Variants in SLC4A11 observed in about 807,000 individuals in gnomAD.
SLC4A11 encodes bicarbonate transporter related protein 1.
In SLC4A11, 74 loss-of-function variants were observed where a neutral mutation model predicts 95.0. That is an observed-to-expected ratio of 0.78 (90% confidence interval 0.65 to 0.95). SLC4A11 has a LOEUF of 0.95. SLC4A11 is among the 40% of genes least tolerant of loss of function. The pLI is 0.00. For missense variants in SLC4A11, 1,081 were observed against 1,192.4 expected (o/e 0.91, Z 1.38); for synonymous variants, 548 against 519.0 (o/e 1.06, Z -0.76).
intron 19 of SLC4A11, 135 bp from the exon 20 acceptor site, chr20:3,227,991 A>ACAGGGCCAGGCTAGGC: frequency 1.7e-5 from 5 of 294,392 alleles, no homozygotes; most frequent in Non-Finnish European, 2.6e-5. Flanking sequence ...CAGCCCACCC[A>ACAGGGCCAGGCTAGGC]CTCTCCACTC....
In SLC4A11 at chr20:3,228,550, G is replaced by C; in HGVS notation, c.2350C>G (p.Gln784Glu). Residue 784 changes from glutamine to glutamate, a missense_variant, in exon 18 of 20, where the codon CAG becomes GAG. By Grantham distance (29) the Gln-to-Glu change is conservative (BLOSUM62 2). Coordinates refer to ENST00000642402, the MANE Select transcript of SLC4A11 (RefSeq NM_001174089.2). ...AGCAGGGCCACGCGCTGGACGAGCT[G>C]GTTGCCATCGAGGGAGGTGAGCGCG... ...YIALTSLDGN[Q>E]LVQRVALLLK... The C allele has an allele frequency of 6.2e-7, 1 of 1,613,206 alleles. No homozygotes were observed. Among genetic ancestry groups the C allele is most frequent in the Non-Finnish European group, 8.5e-7 (1 of 1,179,950 alleles).
Position 3,230,906 on chromosome 20 carries a change from ACCCACCG to A in SLC4A11, c.1168+20_1168+26del. 18 of 902,882 alleles carry A rather than the reference ACCCACCG, an allele frequency of 2.0e-5. No homozygotes were observed. The highest frequency in any genetic ancestry group is 3.7e-5 in the East Asian group (1 of 26,944). 55.9% of individuals were successfully genotyped at this position (902,882 alleles called of 1,614,324 possible). ...CCAGGGCCCAGCCCAGCATACCCCC[ACCCACCG>A]CCCACCGCCAGCCCCTCACCGATGG... On this transcript the variant is annotated intron_variant, in intron 10 of 19. Coordinates refer to ENST00000642402, the MANE Select transcript of SLC4A11 (RefSeq NM_001174089.2).
chr20:3,233,861 G>T, intron 6 of SLC4A11, 60 bp downstream of exon 6: 2 of 1,589,758 alleles, frequency 1.3e-6, no homozygotes, highest in South Asian at 2.2e-5. Context: ...GGGCACAGGG[G>T]ACATGGGACA....
Position 3,234,421 on chromosome 20 carries a change from G to GCCCCCAT in SLC4A11, c.292-108_292-107insATGGGGG. 6.7e-7 allele frequency: 1 copy of GCCCCCAT among 1,503,450 alleles called. No individual in the cohort carries two copies. The highest frequency in any genetic ancestry group is 9.2e-7 in the Non-Finnish European group (1 of 1,086,728). 93.1% of individuals were successfully genotyped at this position (1,503,450 alleles called of 1,614,324 possible). ...GCAGCAGTCCAGCCCCCAGCCCCCA[G>GCCCCCAT]CCCCCAGCCCTGGGCTGGTGCGAGC... is the stretch of plus-strand genomic sequence containing the variant. On this transcript the variant is annotated intron_variant, in intron 4 of 19. Transcript: ENST00000642402. This position sits in a 1 kb window ranked among gnomAD's most constrained non-coding sequence, Gnocchi z 5.8.
chr20:3,235,307 T>TCA (rs1425800280), intron 2 of SLC4A11, among the ~76,000 whole-genome samples: 7 of 110,980 alleles, frequency 6.3e-5, no homozygotes, highest in Non-Finnish European at 9.1e-5. Flanking sequence ...TCTCTCTCTC[T>TCA]CTCACACACA....
Position 3,228,708 on chromosome 20 carries a change from C to T in SLC4A11, c.2193-1G>A. 6.2e-7 allele frequency: 1 copy of T among 1,612,746 alleles called. No homozygotes were observed. The highest frequency in any genetic ancestry group is 8.5e-7 in the Non-Finnish European group (1 of 1,179,818). ...CCGCGTCTCCTTCACGTTCACAATC[C>T]TGCGGTGGCCCGAGCCGCGAGTGTC... is the stretch of plus-strand genomic sequence containing the variant. On this transcript the variant is annotated splice_acceptor_variant, in intron 17 of 19. Transcript: ENST00000642402. LOFTEE classifies it high-confidence loss of function.
At chr20:3,237,096 G>C (rs886265498) in intron 2 of SLC4A11, among the ~76,000 whole-genome samples, 2 of 152,170 alleles carry the variant, frequency 1.3e-5, no homozygotes, top group Admixed American at 1.3e-4. Flanking sequence ...CCAGAGACAT[G>C]AGGAGGAAGA....
chr20:3,233,202 A>G (rs2067838668), intron 7 of SLC4A11, among the ~76,000 whole-genome samples: 1 of 152,206 alleles, frequency 6.6e-6, no homozygotes, highest in Non-Finnish European at 1.5e-5. Context: ...CTCAGCTAGC[A>G]AATCGCAAAG....
Position 3,234,451 on chromosome 20 carries a change from T to A in SLC4A11, c.291+117A>T. The A allele has an allele frequency of 6.7e-7, 1 of 1,492,654 alleles. No homozygotes were observed. The highest frequency in any genetic ancestry group is 9.3e-7 in the Non-Finnish European group (1 of 1,074,370). 92.5% of individuals were successfully genotyped at this position (1,492,654 alleles called of 1,614,324 possible). A position where few individuals can be genotyped will look rare whatever the true frequency, so the allele number is the denominator to read the frequency against. Reference sequence around the variant, plus strand: ...CAGCCCTGGGCTGGTGCGAGCTCCCTGTTGAGCTGCTCCTGGAGGCATGGG... The same window carrying A: ...CAGCCCTGGGCTGGTGCGAGCTCCCAGTTGAGCTGCTCCTGGAGGCATGGG... On this transcript the variant is annotated intron_variant, in intron 4 of 19. Coordinates refer to ENST00000642402, the MANE Select transcript of SLC4A11 (RefSeq NM_001174089.2). This position sits in a 1 kb window ranked among gnomAD's most constrained non-coding sequence, Gnocchi z 5.8.
chr20:3,229,828 A>G (rs781739374), intron 13 of SLC4A11, 52 bp from the exon 14 acceptor site: 1 of 1,611,368 alleles, frequency 6.2e-7, no homozygotes, highest in Non-Finnish European at 8.5e-7. Flanking sequence ...TGGCAGGGGG[A>G]GGCCCTGGAG....
chr20:3,237,732 G>A lies in SLC4A11; in HGVS notation c.44-144C>T. The stretch of plus-strand genomic sequence containing the variant: ...CACGCCACCCTAGGGAGAAAGGGAA[G>A]CAGGGGACAGTGCTCGGGAGGGGGC... On this transcript the variant is annotated intron_variant, in intron 1 of 19. Transcript: ENST00000642402. 2.5e-6 allele frequency: 4 copies of A among 1,613,866 alleles called. No homozygotes were observed. In the South Asian group the frequency reaches 4.4e-5, roughly 18 times the overall value.
At position 3,230,623 on chromosome 20, in the gene SLC4A11, T is replaced by C. The variant is rs1350672132; in HGVS notation, c.1307A>G (p.Tyr436Cys). ...IQVIRVICDD[Y>C]DLDFNSFYAW... ...GTAGAAGGAGTTGAAGTCCAGGTCA[T>C]AGTCATCACAGATGACACGAATCAC... Residue 436 changes from tyrosine (Y) to cysteine (C), a missense_variant, in exon 12 of 20, where the codon TAT becomes TGT. Physicochemically the swap from Tyr to Cys is radical, Grantham distance 194. This residue lies in a region of SLC4A11 where 767 missense variants were observed against 858.0 expected (regional missense o/e 0.89). Transcript: ENST00000642402. 3 of 1,613,518 alleles carry C rather than the reference T, an allele frequency of 1.9e-6. No homozygotes were observed. Among genetic ancestry groups the C allele is most frequent in the Non-Finnish European group, 2.5e-6 (3 of 1,179,960 alleles).
rs755064815 is a variant in SLC4A11, at chr20:3,237,668, G to A, written c.44-80C>T. ...GTGTGCACCTGTCTCCCCGCCCCCC[G>A]ACCTGGCTCATTCCTTCGCTCTTCC... On this transcript the variant is annotated intron_variant, in intron 1 of 19. Transcript: ENST00000642402. 7.4e-6 allele frequency: 12 copies of A among 1,613,984 alleles called. No individual in the cohort carries two copies. Among genetic ancestry groups the A allele is most frequent in the South Asian group, 1.1e-5 (1 of 91,078 alleles).
In SLC4A11 at chr20:3,229,663, C is replaced by A. The variant is rs200422150; in HGVS notation, c.1603G>T (p.Ala535Ser). 23 of 1,613,870 alleles carry A rather than the reference C, an allele frequency of 1.4e-5. No individual in the cohort carries two copies. In the East Asian group the frequency reaches 5.1e-4, roughly 36 times the overall value. The change falls in exon 14 of 20, where the codon GCC becomes TCC. Residue 535 changes from alanine (A) to serine (S), a missense_variant. Physicochemically the swap from Ala to Ser is moderately conservative, Grantham distance 99 (BLOSUM62 1). Around this residue, in one of 3 missense-constraint regions of SLC4A11, gnomAD observed 767 missense variants for 858.0 expected, o/e 0.89. Coordinates refer to ENST00000642402, the MANE Select transcript of SLC4A11 (RefSeq NM_001174089.2). ...CTGGCGAGGAAGCTGGCGTTGAGGGCAGTGTGGAGGCTGGCGTTGAGGCTG... is the reference window on the plus strand; with the variant it reads ...CTGGCGAGGAAGCTGGCGTTGAGGGAAGTGTGGAGGCTGGCGTTGAGGCTG... Reference protein sequence around the residue: ...GASLNASLHTALNASFLASPT... With the variant: ...GASLNASLHTSLNASFLASPT...
At chr20:3,235,889 C>T (rs533440131) in intron 2 of SLC4A11, among the ~76,000 whole-genome samples, 490 of 152,094 alleles carry the variant, frequency 3.2e-3, no homozygotes, top group Non-Finnish European at 4.6e-3. Flanking sequence ...CCTGGAGGGC[C>T]TTTTTCAAGA....
chr20:3,233,056 G>A (rs2122580805), intron 7 of SLC4A11, among the ~76,000 whole-genome samples: 1 of 152,338 alleles, frequency 6.6e-6, no homozygotes. Context: ...GCCTTGGGAG[G>A]GGTCCTGGCA....
chr20:3,232,937 T>C (rs2067828786), intron 7 of SLC4A11, among the ~76,000 whole-genome samples: 1 of 152,040 alleles, frequency 6.6e-6, no homozygotes, highest in Non-Finnish European at 1.5e-5. Flanking sequence ...GTTGCATTTG[T>C]GGAGGTTCCC....
chr20:3,239,057 G>A, intron 1 of SLC4A11, 38 bp downstream of exon 1: 4 of 1,470,482 alleles, frequency 2.7e-6, no homozygotes, highest in South Asian at 1.3e-5. Flanking sequence ...GGAGACCCGG[G>A]CGGCCTTCCC....
rs1284744149 is a variant in SLC4A11 at position 3,229,256 on chromosome 20, C to T, written c.1857G>A (p.Lys619=). The T allele has an allele frequency of 3.7e-6, 6 of 1,612,942 alleles. No individual in the cohort carries two copies. The East Asian group carries it at 6.7e-5, about 18-fold the overall frequency. Residue 619 remains lysine (K), a synonymous_variant, in exon 16 of 20, where the codon AAG becomes AAA. Transcript: ENST00000642402. ...SHGFREIEMS[K]FRYNPSESPF... ...GGCTCTCGCTGGGGTTGTAGCGGAA[C>T]TTGCTCACTGCAGTAGGGGACAGGC... is the stretch of plus-strand genomic sequence containing the variant.
Sources: gnomAD v4.1 joint callset for allele counts (sites outside exome capture counted in the v4.1 genomes callset) on GRCh38, gnomAD v4.1.1 for gene constraint, gnomAD v4.1.1 regional missense constraint, Gnocchi (gnomAD v3.1) non-coding constraint, MANE v1.5 for transcripts, NCBI Gene and HGNC (gene_info 2026-07-23, HGNC 2026-07-21) for gene names.